Variants in CCDC144A observed in about 807,000 individuals in gnomAD.
The protein encoded by CCDC144A is coiled-coil domain containing 144A.
A neutral mutation model predicts 143.8 loss-of-function variants in CCDC144A; 41 were observed. The observed-to-expected ratio is 0.29, with a 90% CI of 0.22 to 0.37. CCDC144A has a LOEUF of 0.37. Among genes scored for constraint, CCDC144A ranks in the 10% least tolerant of loss-of-function variants. The pLI is 1.00. For missense variants in CCDC144A, 637 were observed against 1,488.8 expected (o/e 0.43, Z 9.41); for synonymous variants, 242 against 517.9 (o/e 0.47, Z 7.23).
intron 12 of CCDC144A, among the ~76,000 whole-genome samples, chr17:16,759,567 G>T (rs1401785557): frequency 6.6e-6 from 1 of 150,714 alleles, no homozygotes; most frequent in African/African-American, 2.4e-5. Flanking sequence ...TAGTAACAGT[G>T]CCCTTTCCTT....
intron 13 of CCDC144A, 60 bp from the exon 14 acceptor site, chr17:16,762,253 T>C (rs1425775007): frequency 1.3e-6 from 2 of 1,532,528 alleles, no homozygotes; most frequent in South Asian, 1.2e-5. Context: ...AGGAAACAAA[T>C]ACACAGTAAT....
In CCDC144A at chr17:16,776,463, A is replaced by G. The variant is rs1393007058; in HGVS notation, c.*2830A>G. On this transcript the variant is annotated 3_prime_UTR_variant, in exon 17 of 17. Transcript: ENST00000399273. ...TAGGTATTATACTCTTCTTGTGGCA[A>G]TTGTGAATGGGAGTTAATTCATGAG... 1 of 152,202 alleles carries G rather than the reference A, an allele frequency of 6.6e-6. No individual in the cohort carries two copies. The highest frequency in any genetic ancestry group is 2.4e-5 in the African/African-American group (1 of 41,424). 9.4% of individuals were successfully genotyped at this position (152,202 alleles called of 1,614,324 possible).
chr17:16,668,542 T>TA, the CCDC144A span, among the ~76,000 whole-genome samples: 1 of 152,230 alleles, frequency 6.6e-6, no homozygotes, highest in Non-Finnish European at 1.5e-5. Flanking sequence ...TAATTGTTAT[T>TA]TTTTTCTACC....
chr17:16,689,181 C>T (rs1268506968), upstream of CCDC144A, among the ~76,000 whole-genome samples: 3 of 151,696 alleles, frequency 2.0e-5, no homozygotes, highest in East Asian at 1.9e-4. Flanking sequence ...CTCTTTGCTT[C>T]GTTCTCTCCT....
At chr17:16,672,532 A>G in the CCDC144A span, among the ~76,000 whole-genome samples, 1 of 152,182 alleles carries the variant, frequency 6.6e-6, no homozygotes, top group Non-Finnish European at 1.5e-5. Flanking sequence ...ATAAATTCCT[A>G]TTAGAACAAT....
At chr17:16,753,367 A>C (rs1987607) in intron 12 of CCDC144A, among the ~76,000 whole-genome samples, 1 of 137,256 alleles carries the variant, frequency 7.3e-6, no homozygotes, top group East Asian at 2.0e-4. Context: ...CTTCCAGTCC[A>C]TGAGCATGCA....
the CCDC144A span, among the ~76,000 whole-genome samples, chr17:16,679,552 T>C: frequency 6.6e-6 from 1 of 152,020 alleles, no homozygotes; most frequent in Non-Finnish European, 1.5e-5. Context: ...ACTGGACTTG[T>C]TCTCGGGCTG....
At chr17:16,725,002 A>ATTTTTTTTTTTTTTTTTT (rs1167527388) in intron 8 of CCDC144A, among the ~76,000 whole-genome samples, 5 of 37,284 alleles carry the variant, frequency 1.3e-4, no homozygotes, top group Admixed American at 4.3e-4. Context: ...ATAGCTGGTA[A>ATTTTTTTTTTTTTTTTTT]TTTTTTTTTT....
chr17:16,721,987 T>C (rs1913117979), intron 8 of CCDC144A, among the ~76,000 whole-genome samples: 1 of 152,182 alleles, frequency 6.6e-6, no homozygotes, highest in Non-Finnish European at 1.5e-5. Context: ...CTGACTAAAA[T>C]AGTGAAAGGA....
At chr17:16,750,708 C>T (rs899758376) in intron 12 of CCDC144A, among the ~76,000 whole-genome samples, 13 of 151,824 alleles carry the variant, frequency 8.6e-5, no homozygotes, top group Non-Finnish European at 1.8e-4. Flanking sequence ...TTTACAAAAT[C>T]CCACATTCCT....
At chr17:16,748,928 G>A (rs1246320418) in intron 12 of CCDC144A, among the ~76,000 whole-genome samples, 1 of 152,086 alleles carries the variant, frequency 6.6e-6, no homozygotes, top group Non-Finnish European at 1.5e-5. Flanking sequence ...TGGTTGTAAT[G>A]TCGTCTTTGT....
chr17:16,690,652 C>A lies in CCDC144A; in HGVS notation c.252C>A (p.Leu84=), dbSNP rs369164566. ...TCCGCCTGGAAGATCTTGGCGAGCT[C>A]CACAGAGCTGCCCGGTCGGGCGACG... ...HDVRLEDLGE[L]HRAARSGDVP... is the part of the protein sequence containing the mutation. The change falls in exon 1 of 17, where the codon CTC becomes CTA. Residue 84 remains leucine, a synonymous_variant. Coordinates refer to ENST00000399273, the MANE Select transcript of CCDC144A (RefSeq NM_001382000.1). 1.2e-5 allele frequency: 20 copies of A among 1,613,770 alleles called. No individual in the cohort carries two copies. Among genetic ancestry groups the A allele is most frequent in the Non-Finnish European group, 1.7e-5 (20 of 1,179,878 alleles).
Position 16,729,987 on chromosome 17 carries a change from T to TACAC in CCDC144A, c.2106-1812_2106-1811insCACA, listed in dbSNP as rs1458656396. Among the ~76,000 whole-genome samples the TACAC allele has an allele frequency of 8.7e-4, 107 of 122,730 alleles. 4 individuals are homozygous for TACAC. The highest frequency in any genetic ancestry group is 1.4e-3 in the Non-Finnish European group (76 of 54,838). The allele number at this position is 122,730 out of a possible 152,430, so 80.5% of individuals were successfully genotyped here. A position where few individuals can be genotyped will look rare whatever the true frequency, so the allele number is the denominator to read the frequency against. On this transcript the variant is annotated intron_variant, in intron 9 of 16. Transcript: ENST00000399273. ...TCATATATATATATATATATATATA[T>TACAC]ATATACACACATACATTTTTTGTTT...
At chr17:16,669,930 C>T in the CCDC144A span, among the ~76,000 whole-genome samples, 14 of 152,112 alleles carry the variant, frequency 9.2e-5, no homozygotes, top group Non-Finnish European at 1.9e-4. Flanking sequence ...TGGCTATAAT[C>T]CCAGCCCTTT....
chr17:16,732,678 A>C lies in CCDC144A; in HGVS notation c.2418+12A>C. ...AAATGAATTCTGAGGTATTTTCTTT[A>C]GTCATTTTCAAATATATTTTTGTAT... On this transcript the variant is annotated intron_variant, in intron 11 of 16. Transcript: ENST00000399273. The C allele has an allele frequency of 1.3e-6, 2 of 1,578,458 alleles. No homozygotes were observed. Among genetic ancestry groups the C allele is most frequent in the Non-Finnish European group, 1.7e-6 (2 of 1,166,034 alleles).
the CCDC144A span, chr17:16,683,457 G>A: frequency 7.8e-7 from 1 of 1,282,390 alleles, no homozygotes; most frequent in Non-Finnish European, 1.1e-6. Flanking sequence ...TTCTGTCCCT[G>A]GCGGCAGAGT....
rs1910978430 is a variant in CCDC144A, at chr17:16,690,413, G to A, written c.13G>A (p.Gly5Ser). ...TAGCTCGCTACTGATGGCCTCCTGGGGTGGAGAAAAGCGGGGAGGGGCTGA... is the reference window on the plus strand; with the variant it reads ...TAGCTCGCTACTGATGGCCTCCTGGAGTGGAGAAAAGCGGGGAGGGGCTGA... MASWGGEKRGGAEGS... is the reference protein window; with the variant it reads MASWSGEKRGGAEGS... Residue 5 changes from glycine to serine, a missense_variant, in exon 1 of 17, where the codon GGT becomes AGT. Coordinates refer to ENST00000399273, the MANE Select transcript of CCDC144A (RefSeq NM_001382000.1). 1 of 1,575,390 alleles carries A rather than the reference G, an allele frequency of 6.3e-7. No individual in the cohort carries two copies. Among genetic ancestry groups the A allele is most frequent in the African/African-American group, 1.4e-5 (1 of 73,848 alleles).
At chr17:16,714,773 A>G in intron 6 of CCDC144A, among the ~76,000 whole-genome samples, 1 of 151,988 alleles carries the variant, frequency 6.6e-6, no homozygotes, top group Admixed American at 6.6e-5. Context: ...AGTATGTGTC[A>G]GGGTTCCTCC....
At chr17:16,675,325 G>A in the CCDC144A span, among the ~76,000 whole-genome samples, 14 of 148,126 alleles carry the variant, frequency 9.5e-5, no homozygotes, top group South Asian at 2.8e-3. Context: ...ACTTGAAAAA[G>A]TATTCAGGGA....
Sources: gnomAD v4.1 joint callset for allele counts (sites outside exome capture counted in the v4.1 genomes callset) on GRCh38, gnomAD v4.1.1 for gene constraint, MANE v1.5 for transcripts, NCBI Gene and HGNC (gene_info 2026-07-23, HGNC 2026-07-21) for gene names.